The following F11 variants were observed in gnomAD, a reference collection of about 807,000 sequenced individuals.
The protein encoded by F11 is coagualtion factor XI.
Under a neutral mutation model 76.5 loss-of-function variants are expected in F11, and 78 were observed. The observed-to-expected ratio is 1.02, with a 90% CI of 0.85 to 1.23. The LOEUF (loss-of-function observed/expected upper bound fraction) is 1.23. F11 is among the 50% of genes most tolerant of loss of function. F11 has a pLI of 0.00. For missense variants in F11, 742 were observed against 771.4 expected, an observed-to-expected ratio of 0.96 and a Z score of 0.45; for synonymous variants, 278 against 276.3, an observed-to-expected ratio of 1.01 and a Z score of -0.06.
At position 186,276,258 on chromosome 4, in the gene F11, C is replaced by A; in HGVS notation, c.623C>A (p.Thr208Lys). 6.2e-7 allele frequency: 1 copy of A among 1,614,048 alleles called. No homozygotes were observed. Among genetic ancestry groups the A allele is most frequent in the Non-Finnish European group, 8.5e-7 (1 of 1,180,010 alleles). The change falls in exon 7 of 15, where the codon ACG becomes AAG. Residue 208 changes from threonine to lysine, a missense_variant. Thr to Lys is a moderately conservative substitution (Grantham distance 78, BLOSUM62 -1). Transcript: ENST00000403665. ...LACIRDIFPN[T>K]VFADSNIDSV... The stretch of plus-strand genomic sequence containing the variant: ...TGTATTAGGGACATTTTCCCTAATA[C>A]GGTGTTTGCAGACAGCAACATCGAC...
At chr4:186,283,212 C>T (rs191513837) in intron 10 of F11, 42 of 174,158 alleles carry the variant, frequency 2.4e-4, no homozygotes, top group African/African-American at 9.4e-4. Context: ...TAGGTGTGTG[C>T]GTGTGTGTGC....
rs180763708 is a variant in F11, at chr4:186,287,960, A to G, written c.1716+137A>G. 9.8e-5 allele frequency: 98 copies of G among 996,768 alleles called. No homozygotes were observed. In the African/African-American group the frequency reaches 1.4e-3, roughly 15 times the overall value. The allele number at this position is 996,768 out of a possible 1,614,324, so 61.7% of individuals were successfully genotyped here. ...CGCTCTGTTGCCCAGGCTGGAGTGC[A>G]GTGGCTCGATCTCAGCTCACTGCAA... On this transcript the variant is annotated intron_variant, in intron 14 of 14. Coordinates refer to ENST00000403665, the MANE Select transcript of F11 (RefSeq NM_000128.4).
intron 3 of F11, among the ~76,000 whole-genome samples, chr4:186,272,494 A>T (rs1740054156): frequency 6.6e-6 from 1 of 152,220 alleles, no homozygotes; most frequent in South Asian, 2.1e-4. Flanking sequence ...AACCATTTGT[A>T]TTCCCATCCT....
chr4:186,271,166 C>G (rs1376265570), intron 2 of F11, among the ~76,000 whole-genome samples: 2 of 152,022 alleles, frequency 1.3e-5, no homozygotes, highest in Non-Finnish European at 2.9e-5. Flanking sequence ...TTATCACACC[C>G]CCGAGCCATC....
At chr4:186,268,191 A>T (rs1355129606) in intron 2 of F11, among the ~76,000 whole-genome samples, 1 of 152,188 alleles carries the variant, frequency 6.6e-6, no homozygotes, top group African/African-American at 2.4e-5. Context: ...TCTTGTCATT[A>T]TTCCCGAAAC....
Position 186,284,114 on chromosome 4 carries a change from C to T in F11, c.1158C>T (p.Pro386=). ...CAGAGTGTACCACCAAAATCAAGCCCAGGATCGTTGGAGGAACTGCGTCTG... is the reference window on the plus strand; with the variant it reads ...CAGAGTGTACCACCAAAATCAAGCCTAGGATCGTTGGAGGAACTGCGTCTG... ...MDNECTTKIK[P]RIVGGTASVR... The change falls in exon 11 of 15, where the codon CCC becomes CCT. Residue 386 remains proline (P), a synonymous_variant. Transcript: ENST00000403665. The T allele has an allele frequency of 1.2e-6, 2 of 1,614,176 alleles. No individual in the cohort carries two copies. The highest frequency in any genetic ancestry group is 2.2e-5 in the South Asian group (2 of 91,084).
At position 186,279,689 on chromosome 4, in the gene F11, C is replaced by G. The variant is rs4253845; in HGVS notation, c.756-323C>G. On this transcript the variant is annotated intron_variant, in intron 7 of 14. Coordinates refer to ENST00000403665, the MANE Select transcript of F11 (RefSeq NM_000128.4). ...AGGAGGTTTCTAGGTAGCATGAAGA[C>G]TCTTGAATCTTTAAGATAGGCTGGG... Among the ~76,000 whole-genome samples, 3,058 of 152,154 alleles carry G rather than the reference C, an allele frequency of 0.02. 110 individuals carry two copies. Among genetic ancestry groups the G allele is most frequent in the African/African-American group, 0.07 (2,903 of 41,468 alleles).
At chr4:186,268,989 T>C (rs1054264067) in intron 2 of F11, among the ~76,000 whole-genome samples, 4 of 152,224 alleles carry the variant, frequency 2.6e-5, no homozygotes, top group African/African-American at 9.6e-5. Flanking sequence ...AACCCCTTTC[T>C]AGCCCATTTT....
chr4:186,289,220 TTTC>T lies in F11; in HGVS notation c.*608_*610del, dbSNP rs1257545221. ...AAGAGTGAATGTGAAGATAACAGAA[TTTC>T]TGTGTGGAAGAGGATTACAAGCAGC... On this transcript the variant is annotated 3_prime_UTR_variant, in exon 15 of 15. Transcript: ENST00000403665. Among the ~76,000 whole-genome samples, 4 of 152,196 alleles carry T rather than the reference TTTC, an allele frequency of 2.6e-5. No individual in the cohort carries two copies. The highest frequency in any genetic ancestry group is 4.4e-5 in the Non-Finnish European group (3 of 68,046).
chr4:186,271,473 T>G, intron 2 of F11, 136 bp from the exon 3 acceptor site: 1 of 935,154 alleles, frequency 1.1e-6, no homozygotes, highest in Non-Finnish European at 1.7e-6. Context: ...ATAAAAGTGT[T>G]TATTGCCTTG....
intron 2 of F11, among the ~76,000 whole-genome samples, chr4:186,270,491 A>G (rs1003720822): frequency 3.9e-5 from 6 of 152,052 alleles, no homozygotes; most frequent in Non-Finnish European, 8.8e-5. Flanking sequence ...TGGTGTACCC[A>G]TCACCCAAGT....
At chr4:186,279,970 G>GT (rs764608722) in intron 7 of F11, 42 bp from the exon 8 acceptor site, 2 of 1,453,522 alleles carry the variant, frequency 1.4e-6, no homozygotes, top group African/African-American at 2.8e-5. Flanking sequence ...GTTTTTATGT[G>GT]TTTGATATGA....
Position 186,285,835 on chromosome 4 carries a change from A to G in F11, c.1480+22A>G, listed in dbSNP as rs540856891. On this transcript the variant is annotated intron_variant, in intron 12 of 14. Coordinates refer to ENST00000403665, the MANE Select transcript of F11 (RefSeq NM_000128.4). Reference sequence around the variant, plus strand: ...ACAGGTACGGAGAATTTTATCCGGAAAGTTGTCTCCAATGGTGAACTGGAT... The same window carrying G: ...ACAGGTACGGAGAATTTTATCCGGAGAGTTGTCTCCAATGGTGAACTGGAT... 14 of 1,613,664 alleles carry G rather than the reference A, an allele frequency of 8.7e-6. No homozygotes were observed. The African/African-American group carries it at 1.7e-4, about 20-fold the overall frequency.
chr4:186,267,937 C>G (rs1018164520), intron 2 of F11, among the ~76,000 whole-genome samples: 1 of 152,124 alleles, frequency 6.6e-6, no homozygotes, highest in Admixed American at 6.6e-5. Flanking sequence ...TTTCAATTTT[C>G]TCTGTGACAA....
At chr4:186,275,647 T>G (rs933552759) in intron 5 of F11, 140 bp from the exon 6 acceptor site, 1 of 691,506 alleles carries the variant, frequency 1.4e-6, no homozygotes, top group African/African-American at 1.8e-5. Flanking sequence ...GCTGGGACCA[T>G]GCCCAGCCAT....
intron 12 of F11, 123 bp from the exon 13 acceptor site, chr4:186,286,292 A>G: frequency 1.0e-6 from 1 of 993,200 alleles, no homozygotes; most frequent in Non-Finnish European, 1.6e-6. Context: ...ACACGACAAC[A>G]AGGCAAAAAA....
downstream of F11, among the ~76,000 whole-genome samples, chr4:186,290,300 C>T (rs984418895): frequency 2.2e-4 from 33 of 152,116 alleles, no homozygotes; most frequent in Admixed American, 1.3e-3. Context: ...TAGAACATAA[C>T]GGGGCCAGAT....
chr4:186,279,264 C>T (rs1473754495), intron 7 of F11, among the ~76,000 whole-genome samples: 1 of 152,060 alleles, frequency 6.6e-6, no homozygotes, highest in Non-Finnish European at 1.5e-5. Flanking sequence ...TGCCTGTAAT[C>T]CCAGCTACTC....
Position 186,286,479 on chromosome 4 carries a change from G to T in F11, c.1545G>T (p.Trp515Cys). 1 of 1,613,872 alleles carries T rather than the reference G, an allele frequency of 6.2e-7. No homozygotes were observed. The highest frequency in any genetic ancestry group is 1.1e-5 in the South Asian group (1 of 91,072). The part of the protein sequence containing the change: ...GDRNVIYTDC[W>C]VTGWGYRKLR... The stretch of plus-strand genomic sequence containing the variant: ...GAAATGTAATATACACTGATTGCTG[G>T]GTGACTGGATGGGGGTACAGAAAAC... The change falls in exon 13 of 15, where the codon TGG becomes TGT. Residue 515 changes from tryptophan to cysteine, a missense_variant. Coordinates refer to ENST00000403665, the MANE Select transcript of F11 (RefSeq NM_000128.4).
Sources: gnomAD v4.1 joint callset for allele counts (sites outside exome capture counted in the v4.1 genomes callset) on GRCh38, gnomAD v4.1.1 for gene constraint, MANE v1.5 for transcripts, NCBI Gene and HGNC (gene_info 2026-07-23, HGNC 2026-07-21) for gene names.